The following TCERG1 variants were observed in gnomAD, a reference collection of about 807,000 sequenced individuals.
TCERG1 encodes the protein TATA box binding protein (TBP)-associated factor, RNA polymerase II, S, 150kD.
TCERG1 carries 37 observed loss-of-function variants against 144.7 expected under a neutral mutation model. The ratio of observed to expected loss-of-function variants is 0.26; its 90% confidence interval spans 0.20 to 0.34. The LOEUF (loss-of-function observed/expected upper bound fraction) is 0.34. Ranked by LOEUF, TCERG1 falls within the 10% of genes least tolerant of loss-of-function variation. The pLI, the probability that TCERG1 is intolerant of heterozygous loss-of-function variation, is 1.00. For missense variants in TCERG1, 1,027 were observed against 1,380.7 expected (o/e 0.74, Z 4.06); for synonymous variants, 492 against 458.2 (o/e 1.07, Z -0.94).
chr5:146,505,286 TC>T (rs1443620259), intron 19 of TCERG1, among the ~76,000 whole-genome samples: 1 of 152,116 alleles, frequency 6.6e-6, no homozygotes, highest in Non-Finnish European at 1.5e-5. Context: ...CTCAAATTTA[TC>T]CGTTCTGTTG....
At position 146,459,218 on chromosome 5, in the gene TCERG1, C is replaced by T. The variant is rs1763131171; in HGVS notation, c.773C>T (p.Ala258Val). 6.2e-7 allele frequency: 1 copy of T among 1,614,152 alleles called. No homozygotes were observed. The highest frequency in any genetic ancestry group is 8.5e-7 in the Non-Finnish European group (1 of 1,180,062). ...QAQVQAQAVG[A>V]STPTTSSPAP... The stretch of plus-strand genomic sequence containing the variant: ...CAAGTGCAAGCACAAGCAGTTGGAG[C>T]TTCCACCCCTACGACCAGTAGCCCA... The change falls in exon 4 of 23, where the codon GCT becomes GTT. Residue 258 changes from alanine (A) to valine (V), a missense_variant. By Grantham distance (64) the Ala-to-Val change is moderately conservative. Around this residue, in one of 6 missense-constraint regions of TCERG1, gnomAD observed 187 missense variants for 169.1 expected, o/e 1.11. Transcript: ENST00000679501.
chr5:146,447,549 A>AG, intron 1 of TCERG1, 141 bp downstream of exon 1: 8 of 1,095,282 alleles, frequency 7.3e-6, no homozygotes, highest in Non-Finnish European at 1.0e-5. Flanking sequence ...GGGTTTAAGA[A>AG]GGGGGAAGGG....
rs1764281913 is a variant in TCERG1 at position 146,471,387 on chromosome 5, T to C, written c.1513-101T>C. 6 of 997,960 alleles carry C rather than the reference T, an allele frequency of 6.0e-6. No homozygotes were observed. The African/African-American group carries it at 6.5e-5, about 11-fold the overall frequency. 61.8% of individuals were successfully genotyped at this position (997,960 alleles called of 1,614,324 possible). On this transcript the variant is annotated intron_variant, in intron 8 of 22. Coordinates refer to ENST00000679501, the MANE Select transcript of TCERG1 (RefSeq NM_001382548.1). ...AGTCTCCTCTTATTCTAGCAGCAGA[T>C]TTTGTGTTGATTGCACTTTGAGCTG... is the stretch of plus-strand genomic sequence containing the variant.
intron 19 of TCERG1, among the ~76,000 whole-genome samples, chr5:146,506,168 G>A (rs1268785054): frequency 6.6e-6 from 1 of 152,144 alleles, no homozygotes; most frequent in African/African-American, 2.4e-5. Context: ...TATCTGACTT[G>A]TATTTAGATG....
chr5:146,457,863 T>C (rs1762964518), intron 3 of TCERG1, among the ~76,000 whole-genome samples: 1 of 152,242 alleles, frequency 6.6e-6, no homozygotes, highest in Admixed American at 6.5e-5. Flanking sequence ...TGTTTTTGTT[T>C]TTTGAGATGG....
At chr5:146,464,946 T>G (rs1013546032) in intron 5 of TCERG1, among the ~76,000 whole-genome samples, 13 of 149,580 alleles carry the variant, frequency 8.7e-5, no homozygotes, top group Admixed American at 6.0e-4. Context: ...AAATTTCAGG[T>G]TTTTTTTTTA....
chr5:146,452,942 T>A (rs1422225207), intron 1 of TCERG1, among the ~76,000 whole-genome samples: 1 of 152,184 alleles, frequency 6.6e-6, no homozygotes, highest in African/African-American at 2.4e-5. Context: ...ACAAGTGACT[T>A]CTTTGCTTTA....
At chr5:146,491,837 A>C (rs1026462619) in intron 15 of TCERG1, among the ~76,000 whole-genome samples, 1 of 152,202 alleles carries the variant, frequency 6.6e-6, no homozygotes, top group Admixed American at 6.5e-5. Context: ...TTAAGTGTCA[A>C]GTACCTGTAG....
At chr5:146,447,435 C>A in intron 1 of TCERG1, 27 bp downstream of exon 1, 1 of 1,605,110 alleles carries the variant, frequency 6.2e-7, no homozygotes, top group South Asian at 1.1e-5. Flanking sequence ...TCCTTCACAT[C>A]TCTGCTCACG....
intron 1 of TCERG1, 107 bp from the exon 2 acceptor site, chr5:146,454,949 C>T: frequency 1.6e-6 from 2 of 1,216,162 alleles, no homozygotes; most frequent in Non-Finnish European, 1.2e-6. Flanking sequence ...TTTCCAACTC[C>T]ACTTAGACTT....
At chr5:146,450,963 G>A (rs908469744) in intron 1 of TCERG1, among the ~76,000 whole-genome samples, 2 of 152,156 alleles carry the variant, frequency 1.3e-5, no homozygotes, top group African/African-American at 4.8e-5. Context: ...CACATCTGAG[G>A]AAACTCAAGG....
chr5:146,484,160 G>A (rs993562538), intron 15 of TCERG1, among the ~76,000 whole-genome samples: 3 of 152,106 alleles, frequency 2.0e-5, no homozygotes, highest in Non-Finnish European at 2.9e-5. Context: ...ATACACAACT[G>A]CATATACAAA....
intron 3 of TCERG1, among the ~76,000 whole-genome samples, 178 bp from the exon 4 acceptor site, chr5:146,458,706 T>G (rs910869168): frequency 6.6e-6 from 1 of 151,970 alleles, no homozygotes; most frequent in Non-Finnish European, 1.5e-5. Context: ...CTTGAACTCC[T>G]GACTTTAAGT....
intron 15 of TCERG1, among the ~76,000 whole-genome samples, chr5:146,489,004 A>G (rs1221800639): frequency 1.3e-5 from 2 of 152,196 alleles, no homozygotes; most frequent in East Asian, 1.9e-4. Context: ...AGTTGATGTC[A>G]TAGAAGTCAA....
At chr5:146,460,645 T>G (rs2150287897) in intron 4 of TCERG1, among the ~76,000 whole-genome samples, 1 of 152,314 alleles carries the variant, frequency 6.6e-6, no homozygotes, top group East Asian at 1.9e-4. Flanking sequence ...AAATTTGAAT[T>G]TATTTTATTG....
chr5:146,480,939 T>G (rs900912565), intron 12 of TCERG1, among the ~76,000 whole-genome samples: 37 of 152,124 alleles, frequency 2.4e-4, no homozygotes, highest in African/African-American at 7.9e-4. Context: ...AATGTAATTT[T>G]TATTAGTTGT....
At chr5:146,455,371 G>T in intron 2 of TCERG1, 90 bp downstream of exon 2, 2 of 1,414,216 alleles carry the variant, frequency 1.4e-6, no homozygotes, top group Non-Finnish European at 1.9e-6. Context: ...TTCTTAAATA[G>T]TTTCAGTTTA....
chr5:146,494,045 A>T (rs999517922), intron 16 of TCERG1, among the ~76,000 whole-genome samples: 1 of 152,112 alleles, frequency 6.6e-6, no homozygotes, highest in Non-Finnish European at 1.5e-5. Context: ...AAATAAAGCT[A>T]ATAGAGTATT....
At chr5:146,448,752 C>T (rs1762111475) in intron 1 of TCERG1, among the ~76,000 whole-genome samples, 1 of 152,150 alleles carries the variant, frequency 6.6e-6, no homozygotes, top group Non-Finnish European at 1.5e-5. Context: ...CTTTAAACTC[C>T]ATATGTATAC....
Sources: gnomAD v4.1 joint callset for allele counts (sites outside exome capture counted in the v4.1 genomes callset) on GRCh38, gnomAD v4.1.1 for gene constraint, gnomAD v4.1.1 regional missense constraint, MANE v1.5 for transcripts, NCBI Gene and HGNC (gene_info 2026-07-23, HGNC 2026-07-21) for gene names.